Variants in PTER observed in about 807,000 individuals in gnomAD.
The protein encoded by PTER is phosphotriesterase related, also known as N-acetyltaurine hydrolase.
In PTER, 38 loss-of-function variants were observed where a neutral mutation model predicts 29.6. The ratio of observed to expected loss-of-function variants is 1.28; its 90% CI spans 0.99 to 1.68. The LOEUF (loss-of-function observed/expected upper bound fraction) is 1.68, where lower values mean the gene tolerates loss of function less well. Ranked by LOEUF, PTER falls within the 40% of genes most tolerant of loss-of-function variation. PTER has a pLI of 0.00. For missense variants in PTER, 482 were observed against 427.8 expected (o/e 1.13, Z -1.12); for synonymous variants, 172 against 154.5 (o/e 1.11, Z -0.84).
At chr10:16,469,128 G>A (rs1340468123) in intron 1 of PTER, among the ~76,000 whole-genome samples, 3 of 152,178 alleles carry the variant, frequency 2.0e-5, no homozygotes, top group Admixed American at 6.5e-5. Flanking sequence ...GAAGAGTGCT[G>A]AAGGCCGAGT....
At chr10:16,510,929 A>G (rs1836785069) in intron 4 of PTER, 117 bp from the exon 5 acceptor site, 1 of 795,362 alleles carries the variant, frequency 1.3e-6, no homozygotes, top group South Asian at 1.6e-5. Context: ...CACACGCCAC[A>G]GTAGAAGTCA....
downstream of PTER, among the ~76,000 whole-genome samples, chr10:16,515,101 C>A (rs1430570123): frequency 6.6e-6 from 1 of 151,832 alleles, no homozygotes; most frequent in Non-Finnish European, 1.5e-5. Flanking sequence ...ATATTCTAAT[C>A]AGCTGTTTAT....
At chr10:16,470,104 A>G (rs1311444618) in intron 1 of PTER, among the ~76,000 whole-genome samples, 1 of 152,122 alleles carries the variant, frequency 6.6e-6, no homozygotes, top group African/African-American at 2.4e-5. Flanking sequence ...TTCATAGTCA[A>G]TATTTGGCAT....
chr10:16,440,625 G>C (rs1229231861), intron 1 of PTER, among the ~76,000 whole-genome samples: 1 of 152,168 alleles, frequency 6.6e-6, no homozygotes, highest in African/African-American at 2.4e-5. Flanking sequence ...CGCAAGTGGA[G>C]TGACCTGTGT....
At chr10:16,482,041 C>T (rs767452870) in intron 1 of PTER, among the ~76,000 whole-genome samples, 3 of 152,194 alleles carry the variant, frequency 2.0e-5, no homozygotes, top group Non-Finnish European at 4.4e-5. Flanking sequence ...TCTGAAGAGA[C>T]ACTGCCTGCT....
intron 1 of PTER, among the ~76,000 whole-genome samples, chr10:16,448,784 C>T (rs1040454826): frequency 2.0e-5 from 3 of 152,184 alleles, no homozygotes; most frequent in Admixed American, 1.3e-4. Context: ...AGATGATATA[C>T]CCTTAAGGTA....
chr10:16,501,418 A>T (rs1203615977), intron 3 of PTER, among the ~76,000 whole-genome samples: 4 of 151,768 alleles, frequency 2.6e-5, no homozygotes, highest in Non-Finnish European at 5.9e-5. Flanking sequence ...AGCAGTTGTC[A>T]TGATTACCAT....
At chr10:16,502,597 A>G (rs1836393733) in intron 3 of PTER, among the ~76,000 whole-genome samples, 1 of 152,146 alleles carries the variant, frequency 6.6e-6, no homozygotes, top group African/African-American at 2.4e-5. Context: ...ATAGCTCAGA[A>G]TGAAAGTCAG....
intron 3 of PTER, among the ~76,000 whole-genome samples, chr10:16,500,729 A>AT (rs1357300147): frequency 5.3e-5 from 8 of 151,784 alleles, no homozygotes; most frequent in African/African-American, 1.9e-4. Context: ...TTCATCTTTT[A>AT]TTTTTTATTT....
intron 3 of PTER, among the ~76,000 whole-genome samples, chr10:16,499,027 C>T (rs1272938476): frequency 3.3e-5 from 5 of 152,100 alleles, no homozygotes; most frequent in African/African-American, 7.2e-5. Context: ...TGTTCTTACC[C>T]CTGGAGGGGC....
intron 4 of PTER, among the ~76,000 whole-genome samples, chr10:16,510,843 A>AT (rs1332587395): frequency 6.6e-6 from 1 of 152,176 alleles, no homozygotes; most frequent in Non-Finnish European, 1.5e-5. Flanking sequence ...TATGCATGGA[A>AT]TAAGGATATG....
intron 1 of PTER, among the ~76,000 whole-genome samples, chr10:16,455,902 C>T (rs184161795): frequency 6.6e-6 from 1 of 152,334 alleles, no homozygotes; most frequent in East Asian, 1.9e-4. Flanking sequence ...ACTTAGAGAA[C>T]ACATCTTTAT....
chr10:16,476,164 A>G (rs1835253427), intron 1 of PTER: 1 of 151,956 alleles, frequency 6.6e-6, no homozygotes, highest in African/African-American at 2.4e-5. Flanking sequence ...GCTCACTACA[A>G]CCTCTGCCTC....
chr10:16,460,968 C>T (rs1481807040), intron 1 of PTER, among the ~76,000 whole-genome samples: 1 of 152,166 alleles, frequency 6.6e-6, no homozygotes, highest in Non-Finnish European at 1.5e-5. Flanking sequence ...CCACCTGCTT[C>T]AGCCTCCCAA....
chr10:16,504,854 A>T lies in PTER; in HGVS notation c.699-166A>T, dbSNP rs1836496899. ...TTCTGTTATTTCTAGTAACAAATTG[A>T]ACTTACTGTTTTATACTCACATCAT... On this transcript the variant is annotated intron_variant, in intron 3 of 4. Coordinates refer to ENST00000535784, the MANE Select transcript of PTER (RefSeq NM_001261836.2). Among the ~76,000 whole-genome samples the T allele has an allele frequency of 2.0e-5, 3 of 152,332 alleles. No individual in the cohort carries two copies. In the South Asian group the frequency reaches 6.2e-4, roughly 32 times the overall value.
At chr10:16,440,067 AT>A (rs71374689) in intron 1 of PTER, among the ~76,000 whole-genome samples, 131 of 135,150 alleles carry the variant, frequency 9.7e-4, no homozygotes, top group Admixed American at 1.6e-3. Flanking sequence ...TCCTAACAAG[AT>A]TTTTTTTTTT....
In PTER at chr10:16,505,177, C is replaced by G. The variant is rs1256229396; in HGVS notation, c.839+17C>G. The stretch of plus-strand genomic sequence containing the variant: ...AATTAGAAGGTAAATATGGTAAAGC[C>G]TCTCATAGCATTCCCTTTCCCTAGC... On this transcript the variant is annotated intron_variant, in intron 4 of 4. Transcript: ENST00000535784. The G allele has an allele frequency of 1.4e-5, 22 of 1,612,598 alleles. No homozygotes were observed. The highest frequency in any genetic ancestry group is 3.3e-5 in the Admixed American group (2 of 59,946).
chr10:16,514,470 C>T (rs915547734), downstream of PTER: 67 of 1,466,928 alleles, frequency 4.6e-5, 1 homozygote, highest in Admixed American at 3.2e-4. Context: ...GATTCACTGA[C>T]GTTAGCCATA....
chr10:16,441,676 G>A lies in PTER; in HGVS notation c.-49+4629G>A, dbSNP rs185911720. Among the ~76,000 whole-genome samples, 35 of 152,310 alleles carry A rather than the reference G, an allele frequency of 2.3e-4. 1 individual carries two copies. In the East Asian group the frequency reaches 6.0e-3, roughly 26 times the overall value. The stretch of plus-strand genomic sequence containing the variant: ...TATGATGATGATAAATTGCTTGGAC[G>A]TGACTGGCCCAAGCACTAGTGTGAT... On this transcript the variant is annotated intron_variant, in intron 1 of 4. Transcript: ENST00000535784.
Sources: gnomAD v4.1 joint callset for allele counts (sites outside exome capture counted in the v4.1 genomes callset) on GRCh38, gnomAD v4.1.1 for gene constraint, MANE v1.5 for transcripts, NCBI Gene and HGNC (gene_info 2026-07-23, HGNC 2026-07-21) for gene names.